Variants in PIEZO2 observed in about 807,000 individuals in gnomAD.
PIEZO2 encodes piezo type mechanosensitive ion channel component 2.
In PIEZO2, 172 loss-of-function variants were observed where a neutral mutation model predicts 337.3. The observed-to-expected ratio is 0.51, with a 90% CI of 0.45 to 0.58. PIEZO2 has a LOEUF of 0.58. PIEZO2 is among the 20% of genes least tolerant of loss of function. The pLI, the probability that PIEZO2 is intolerant of heterozygous loss-of-function variation, is 0.00. For synonymous variants in PIEZO2, 1,251 were observed against 1,228.5 expected (o/e 1.02, Z -0.38); for missense variants, 3,028 against 3,391.3 (o/e 0.89, Z 2.66).
chr18:10,900,613 C>T (rs1281365981), intron 4 of PIEZO2, among the ~76,000 whole-genome samples: 3 of 152,202 alleles, frequency 2.0e-5, no homozygotes, highest in Non-Finnish European at 2.9e-5. Context: ...TTTGTCTTGG[C>T]ACGTCAGTTT....
At position 11,099,263 on chromosome 18, in the gene PIEZO2, T is replaced by C. The variant is rs1169756968; in HGVS notation, c.65-33041A>G. Among the ~76,000 whole-genome samples, 2 of 152,208 alleles carry C rather than the reference T, an allele frequency of 1.3e-5. No individual in the cohort carries two copies. The highest frequency in any genetic ancestry group is 4.8e-5 in the African/African-American group (2 of 41,458). ...GTATTTCTGTAGGTTAACATATTAA[T>C]GGATCATAAAGTATGCATATTTTAA... On this transcript the variant is annotated intron_variant, in intron 1 of 55. Transcript: ENST00000674853. The surrounding 1 kb of genome is among the most constrained non-coding windows in gnomAD (Gnocchi z 5.4).
At position 10,746,097 on chromosome 18, in the gene PIEZO2, T is replaced by C. The variant is rs2037411751; in HGVS notation, c.4425-1866A>G. Among the ~76,000 whole-genome samples, 2 of 152,206 alleles carry C rather than the reference T, an allele frequency of 1.3e-5. No individual in the cohort carries two copies. The highest frequency in any genetic ancestry group is 4.8e-5 in the African/African-American group (2 of 41,452). On this transcript the variant is annotated intron_variant, in intron 30 of 55. Transcript: ENST00000674853. The surrounding 1 kb of genome is among the most constrained non-coding windows in gnomAD (Gnocchi z 4.2). ...CCTGGTCTAGCTGCTATCTCTACCC[T>C]GGATTATCATAGCAGCTGCTTAGCT...
rs1480652941 is a variant in PIEZO2, at chr18:10,877,199, A to G, written c.330-5784T>C. Among the ~76,000 whole-genome samples, 3 of 152,208 alleles carry G rather than the reference A, an allele frequency of 2.0e-5. No individual in the cohort carries two copies. Among genetic ancestry groups the G allele is most frequent in the African/African-American group, 4.8e-5 (2 of 41,454 alleles). On this transcript the variant is annotated intron_variant, in intron 4 of 55. Coordinates refer to ENST00000674853, the MANE Select transcript of PIEZO2 (RefSeq NM_001378183.1). This position sits in a 1 kb window ranked among gnomAD's most constrained non-coding sequence, Gnocchi z 5.3. ...ACTCTACAAGATCACCCTGGATGAT[A>G]TCCATCCCCAAGGCCCTAATCAGCA...
In PIEZO2 at chr18:10,750,717, T is replaced by C. The variant is rs2037614656; in HGVS notation, c.4168-530A>G. Reference sequence around the variant, plus strand: ...TTGGCAGGTGGTTGTCTCATAACAATGAATTTTTTGTTATAGTTAAGTTTA... The same window carrying C: ...TTGGCAGGTGGTTGTCTCATAACAACGAATTTTTTGTTATAGTTAAGTTTA... On this transcript the variant is annotated intron_variant, in intron 28 of 55. Coordinates refer to ENST00000674853, the MANE Select transcript of PIEZO2 (RefSeq NM_001378183.1). This position sits in a 1 kb window ranked among gnomAD's most constrained non-coding sequence, Gnocchi z 4.1. Among the ~76,000 whole-genome samples, 2 of 152,212 alleles carry C rather than the reference T, an allele frequency of 1.3e-5. No individual in the cohort carries two copies. Among genetic ancestry groups the C allele is most frequent in the South Asian group, 4.1e-4 (2 of 4,826 alleles).
chr18:10,892,323 G>A (rs950379754), intron 4 of PIEZO2, among the ~76,000 whole-genome samples: 8 of 152,126 alleles, frequency 5.3e-5, no homozygotes, highest in Non-Finnish European at 1.2e-4. Flanking sequence ...ATGGATACTT[G>A]TGACTCTATG....
chr18:10,744,239 GA>G lies in PIEZO2; in HGVS notation c.4425-9del. On this transcript the variant is annotated splice_polypyrimidine_tract_variant and intron_variant, in intron 30 of 55. Coordinates refer to ENST00000674853, the MANE Select transcript of PIEZO2 (RefSeq NM_001378183.1). ...TGGAAAAGTTCAGCTCCTCTAAAGG[GA>G]AAGTGGAAACATGAACAAGTCAATA... The G allele has an allele frequency of 6.7e-7, 1 of 1,491,404 alleles. No individual in the cohort carries two copies. The highest frequency in any genetic ancestry group is 1.4e-5 in the African/African-American group (1 of 72,080). 92.4% of individuals were successfully genotyped at this position (1,491,404 alleles called of 1,614,324 possible).
At chr18:10,731,204 T>C (rs2036767185) in intron 36 of PIEZO2, among the ~76,000 whole-genome samples, 1 of 120,798 alleles carries the variant, frequency 8.3e-6, no homozygotes, top group Admixed American at 8.1e-5. Context: ...TATATATATA[T>C]ATATATATAT....
At chr18:10,685,274 T>C (rs1025692793) in intron 49 of PIEZO2, among the ~76,000 whole-genome samples, 1 of 152,166 alleles carries the variant, frequency 6.6e-6, no homozygotes, top group Non-Finnish European at 1.5e-5. Context: ...CTTTTCAGAC[T>C]AGTACTAACC....
chr18:11,140,065 TG>T (rs896780014), intron 1 of PIEZO2, among the ~76,000 whole-genome samples: 1 of 152,118 alleles, frequency 6.6e-6, no homozygotes, highest in Non-Finnish European at 1.5e-5. Flanking sequence ...CCATCCCCAA[TG>T]CAGTTAAGGA....
In PIEZO2 at chr18:11,033,118, G is replaced by A. The variant is rs1177226788; in HGVS notation, c.160+33009C>T. On this transcript the variant is annotated intron_variant, in intron 2 of 55. Transcript: ENST00000674853. This position sits in a 1 kb window ranked among gnomAD's most constrained non-coding sequence, Gnocchi z 4.2. ...GAAACAATAATAGACAGCACCTTTT[G>A]AGCATTTACCGTGAGCCCAACACAT... Among the ~76,000 whole-genome samples the A allele has an allele frequency of 6.6e-6, 1 of 152,194 alleles. No individual in the cohort carries two copies. The highest frequency in any genetic ancestry group is 1.5e-5 in the Non-Finnish European group (1 of 68,040).
At chr18:11,066,347 G>T (rs1008163323) in intron 1 of PIEZO2, 125 bp from the exon 2 acceptor site, 1 of 649,912 alleles carries the variant, frequency 1.5e-6, no homozygotes, top group South Asian at 2.0e-5. Context: ...TTCCTGAATA[G>T]ATATGTCAAT....
At position 10,856,124 on chromosome 18, in the gene PIEZO2, T is replaced by C. The variant is rs1157143628; in HGVS notation, c.704-558A>G. On this transcript the variant is annotated intron_variant, in intron 6 of 55. Transcript: ENST00000674853. This position sits in a 1 kb window ranked among gnomAD's most constrained non-coding sequence, Gnocchi z 4.7. ...CAAGTAGCGCAGGTTGGTCTTGAACTCCTGGGCTAAGTGATCTTCCCTCCT... is the reference window on the plus strand; with the variant it reads ...CAAGTAGCGCAGGTTGGTCTTGAACCCCTGGGCTAAGTGATCTTCCCTCCT... 6.6e-6 allele frequency among the ~76,000 whole-genome samples: 1 copy of C among 152,140 alleles called. No homozygotes were observed. The highest frequency in any genetic ancestry group is 1.5e-5 in the Non-Finnish European group (1 of 68,028).
At chr18:10,889,743 G>A (rs542443193) in intron 4 of PIEZO2, among the ~76,000 whole-genome samples, 11 of 152,220 alleles carry the variant, frequency 7.2e-5, no homozygotes, top group African/African-American at 1.9e-4. Flanking sequence ...ACAAGGAGGT[G>A]TCAGGTAGGG....
At chr18:10,957,148 C>T (rs2033572541) in intron 3 of PIEZO2, among the ~76,000 whole-genome samples, 1 of 151,922 alleles carries the variant, frequency 6.6e-6, no homozygotes, top group African/African-American at 2.4e-5. Context: ...CCTGTAATCC[C>T]AACACTTTGG....
chr18:10,921,731 T>C (rs896116491), intron 3 of PIEZO2, among the ~76,000 whole-genome samples: 5 of 152,204 alleles, frequency 3.3e-5, no homozygotes, highest in African/African-American at 9.6e-5. Context: ...ATATTTATCT[T>C]CTTTCAAAAG....
chr18:10,943,419 C>G lies in PIEZO2; in HGVS notation c.287-32191G>C, dbSNP rs963006195. Among the ~76,000 whole-genome samples the G allele has an allele frequency of 6.6e-6, 1 of 152,192 alleles. No individual in the cohort carries two copies. The highest frequency in any genetic ancestry group is 6.5e-5 in the Admixed American group (1 of 15,278). On this transcript the variant is annotated intron_variant, in intron 3 of 55. Transcript: ENST00000674853. This position sits in a 1 kb window ranked among gnomAD's most constrained non-coding sequence, Gnocchi z 4.5. ...TCAGTGTGACCTGGATGTGAGACAT[C>G]GAGTCACAGGAGACCATTTCGGAGC...
At chr18:11,060,634 T>C (rs2037914316) in intron 2 of PIEZO2, among the ~76,000 whole-genome samples, 1 of 152,166 alleles carries the variant, frequency 6.6e-6, no homozygotes, top group Admixed American at 6.5e-5. Context: ...AACACCTCTA[T>C]GCAAATAAAC....
At position 10,942,763 on chromosome 18, in the gene PIEZO2, CCAGGGCATGT is replaced by C. The variant is rs1465302336; in HGVS notation, c.287-31545_287-31536del. 6.6e-6 allele frequency among the ~76,000 whole-genome samples: 1 copy of C among 152,178 alleles called. No homozygotes were observed. The highest frequency in any genetic ancestry group is 1.5e-5 in the Non-Finnish European group (1 of 68,020). On this transcript the variant is annotated intron_variant, in intron 3 of 55. Coordinates refer to ENST00000674853, the MANE Select transcript of PIEZO2 (RefSeq NM_001378183.1). This position sits in a 1 kb window ranked among gnomAD's most constrained non-coding sequence, Gnocchi z 4.4. ...CCCCAAGACAATGGGAAAAATGTCT[CCAGGGCATGT>C]CAGAGTTCTTCATGGCAGCCCCTCC...
intron 1 of PIEZO2, among the ~76,000 whole-genome samples, chr18:11,089,753 A>G (rs1295330249): frequency 6.6e-6 from 1 of 152,184 alleles, no homozygotes; most frequent in Non-Finnish European, 1.5e-5. Context: ...GGTCCTCAGG[A>G]GGAAAAGGAG....
Sources: gnomAD v4.1 joint callset for allele counts (sites outside exome capture counted in the v4.1 genomes callset) on GRCh38, gnomAD v4.1.1 for gene constraint, Gnocchi (gnomAD v3.1) non-coding constraint, MANE v1.5 for transcripts, NCBI Gene and HGNC (gene_info 2026-07-23, HGNC 2026-07-21) for gene names.